Variants in CA10 observed in about 807,000 individuals in gnomAD.
The protein encoded by CA10 is carbonic anhydrase-related protein 10.
A neutral mutation model predicts 44.2 loss-of-function variants in CA10; 14 were observed. That is an observed-to-expected ratio of 0.32 (90% CI 0.21 to 0.50). The LOEUF (loss-of-function observed/expected upper bound fraction) is 0.50, where lower values mean the gene tolerates loss of function less well. Among genes scored for constraint, CA10 ranks in the 20% least tolerant of loss-of-function variants. The pLI, the probability that CA10 is intolerant of heterozygous loss-of-function variation, is 0.99. For missense variants in CA10, 350 were observed against 409.7 expected (o/e 0.85, Z 1.26); for synonymous variants, 159 against 141.6 (o/e 1.12, Z -0.87).
intron 3 of CA10, among the ~76,000 whole-genome samples, chr17:51,910,688 T>C (rs941002655): frequency 6.6e-6 from 1 of 152,010 alleles, no homozygotes; most frequent in Non-Finnish European, 1.5e-5. Flanking sequence ...AGAGGAAAAA[T>C]AAAACACATC....
chr17:51,753,993 G>T (rs1904985971), intron 3 of CA10, among the ~76,000 whole-genome samples: 1 of 152,042 alleles, frequency 6.6e-6, no homozygotes, highest in Non-Finnish European at 1.5e-5. Context: ...ACAGGTACCT[G>T]CCATCACGCC....
chr17:51,842,516 GT>G (rs551011646), intron 3 of CA10, among the ~76,000 whole-genome samples: 10 of 152,274 alleles, frequency 6.6e-5, no homozygotes, highest in Admixed American at 3.9e-4. Context: ...ATCAGAATGT[GT>G]GCAGTTTTAG....
chr17:52,031,822 T>C (rs557135382), intron 2 of CA10, among the ~76,000 whole-genome samples: 2 of 152,192 alleles, frequency 1.3e-5, no homozygotes, highest in South Asian at 2.1e-4. Context: ...AATCAAATGA[T>C]GAAAAAAAGA....
At chr17:52,074,242 A>AC (rs1339327857) in intron 1 of CA10, among the ~76,000 whole-genome samples, 3 of 152,318 alleles carry the variant, frequency 2.0e-5, no homozygotes, top group Admixed American at 6.5e-5. Context: ...CTAAAAAACA[A>AC]CAACAAGAAA....
intron 3 of CA10, among the ~76,000 whole-genome samples, chr17:51,903,189 A>C (rs989888700): frequency 1.3e-5 from 2 of 152,128 alleles, no homozygotes; most frequent in African/African-American, 4.8e-5. Flanking sequence ...GAAGCATGTG[A>C]TCTAGGGTGA....
chr17:51,792,534 T>A (rs907443205), intron 3 of CA10, among the ~76,000 whole-genome samples: 2 of 152,232 alleles, frequency 1.3e-5, no homozygotes, highest in Non-Finnish European at 2.9e-5. Flanking sequence ...TTAAGCTTCA[T>A]GTAGAAGCCT....
intron 4 of CA10, among the ~76,000 whole-genome samples, chr17:51,721,136 C>G (rs752264813): frequency 1.3e-5 from 2 of 152,008 alleles, no homozygotes; most frequent in Non-Finnish European, 2.9e-5. Flanking sequence ...TTGAGACCAG[C>G]CTGGCCAACA....
chr17:51,854,135 G>A (rs914180712), intron 3 of CA10, among the ~76,000 whole-genome samples: 1 of 152,160 alleles, frequency 6.6e-6, no homozygotes, highest in Admixed American at 6.6e-5. Context: ...GATTCTCAGG[G>A]AATGATCAGC....
intron 2 of CA10, among the ~76,000 whole-genome samples, chr17:51,997,737 A>G (rs1175723985): frequency 6.6e-6 from 1 of 152,076 alleles, no homozygotes; most frequent in East Asian, 1.9e-4. Flanking sequence ...ATGTAACACA[A>G]TGTTGAGACA....
At chr17:51,690,703 G>T (rs543913077) in intron 4 of CA10, among the ~76,000 whole-genome samples, 57 of 152,314 alleles carry the variant, frequency 3.7e-4, no homozygotes, top group Middle Eastern at 6.8e-3. Context: ...TACCATGATT[G>T]TGAGGCCTTC....
intron 4 of CA10, chr17:51,661,840 CTT>C (rs1317741673): frequency 1.3e-5 from 2 of 152,202 alleles, no homozygotes; most frequent in African/African-American, 4.8e-5. Flanking sequence ...GGTCAGCAGA[CTT>C]TTTCCTGTAA....
At chr17:51,827,471 A>G (rs1908063647) in intron 3 of CA10, among the ~76,000 whole-genome samples, 1 of 152,218 alleles carries the variant, frequency 6.6e-6, no homozygotes, top group African/African-American at 2.4e-5. Context: ...GAATATGATA[A>G]CATGTAGACA....
chr17:51,860,813 C>T (rs182673046), intron 3 of CA10, among the ~76,000 whole-genome samples: 10 of 152,176 alleles, frequency 6.6e-5, no homozygotes, highest in South Asian at 2.1e-4. Context: ...TCAGAATAGA[C>T]GCCCCTCCAG....
intron 3 of CA10, chr17:51,761,789 A>C (rs1905222951): frequency 6.6e-6 from 1 of 152,202 alleles, no homozygotes; most frequent in Admixed American, 6.5e-5. Context: ...GTAGGGTCCT[A>C]AACTGATATA....
chr17:51,921,332 T>G (rs768254097), intron 3 of CA10, among the ~76,000 whole-genome samples: 1 of 152,158 alleles, frequency 6.6e-6, no homozygotes, highest in Non-Finnish European at 1.5e-5. Flanking sequence ...GTCATTCAAT[T>G]TTCACATAGC....
intron 2 of CA10, among the ~76,000 whole-genome samples, chr17:52,023,987 T>C (rs770143507): frequency 8.5e-5 from 13 of 152,240 alleles, no homozygotes; most frequent in South Asian, 2.1e-4. Flanking sequence ...TTGTCAAGTT[T>C]ATTGTTTCTG....
chr17:51,681,195 A>G (rs1311406367), intron 4 of CA10, among the ~76,000 whole-genome samples: 1 of 152,144 alleles, frequency 6.6e-6, no homozygotes, highest in East Asian at 1.9e-4. Flanking sequence ...TTGTTTTCTG[A>G]TCTGCAAAAT....
intron 2 of CA10, among the ~76,000 whole-genome samples, chr17:51,943,611 T>C (rs1255806362): frequency 6.6e-6 from 1 of 152,162 alleles, no homozygotes; most frequent in Non-Finnish European, 1.5e-5. Context: ...CATCCTTCCT[T>C]ACTTTCCTAT....
chr17:51,726,654 C>T (rs1916532972), intron 4 of CA10, among the ~76,000 whole-genome samples: 1 of 152,172 alleles, frequency 6.6e-6, no homozygotes, highest in South Asian at 2.1e-4. Context: ...TGTGTTGTTA[C>T]TTAACTCTCC....
Sources: allele counts gnomAD v4.1 joint callset (sites outside exome capture counted in the v4.1 genomes callset), GRCh38; gene constraint gnomAD v4.1.1; transcripts MANE v1.5; gene names NCBI Gene and HGNC (gene_info 2026-07-23, HGNC 2026-07-21).